Variants in ST8SIA1 observed in about 807,000 individuals in gnomAD.
ST8SIA1 encodes the protein alpha-N-acetylneuraminide alpha-2,8-sialyltransferase.
In ST8SIA1, 16 loss-of-function variants were observed where a neutral mutation model predicts 35.9. The ratio of observed to expected loss-of-function variants is 0.45; its 90% CI spans 0.30 to 0.68. ST8SIA1 has a LOEUF of 0.68. ST8SIA1 is among the 30% of genes least tolerant of loss of function. The pLI is 0.09. For missense variants in ST8SIA1, 383 were observed against 453.6 expected, an observed-to-expected ratio of 0.84 and a Z score of 1.41; for synonymous variants, 170 against 169.6, an observed-to-expected ratio of 1.00 and a Z score of -0.02.
At chr12:22,257,010 C>T (rs537484915) in intron 2 of ST8SIA1, among the ~76,000 whole-genome samples, 3 of 152,300 alleles carry the variant, frequency 2.0e-5, no homozygotes, top group East Asian at 1.9e-4. Flanking sequence ...GCCTACTATG[C>T]GTCAGGCACT....
At chr12:22,228,582 T>A (rs1216075404) in intron 4 of ST8SIA1, among the ~76,000 whole-genome samples, 1 of 152,062 alleles carries the variant, frequency 6.6e-6, no homozygotes, top group Non-Finnish European at 1.5e-5. Context: ...AGAGACAGAG[T>A]CATTGCCATT....
rs552917597 is a variant in ST8SIA1, at chr12:22,244,302, T to C, written c.584+4704A>G. Among the ~76,000 whole-genome samples, 76 of 152,228 alleles carry C rather than the reference T, an allele frequency of 5.0e-4. 1 individual carries two copies. Among genetic ancestry groups the C allele is most frequent in the Middle Eastern group, 3.4e-3 (1 of 294 alleles). ...AGTGTATATCCATGTTACACCAGCC[T>C]GGCCAAGAAAAAGAACACTTCTAGC... On this transcript the variant is annotated intron_variant, in intron 4 of 4. Transcript: ENST00000396037.
At chr12:22,300,296 A>G (rs1318436803) in intron 1 of ST8SIA1, among the ~76,000 whole-genome samples, 4 of 152,176 alleles carry the variant, frequency 2.6e-5, no homozygotes, top group African/African-American at 4.8e-5. Context: ...CCAGAAATTA[A>G]AGCTATTCAA....
chr12:22,312,183 C>T (rs1866458274), intron 1 of ST8SIA1, among the ~76,000 whole-genome samples: 2 of 152,250 alleles, frequency 1.3e-5, no homozygotes, highest in African/African-American at 2.4e-5. Flanking sequence ...TAAAATCTCC[C>T]CTCCTGGCTC....
chr12:22,218,612 AAAAT>A (rs59486221), intron 4 of ST8SIA1, among the ~76,000 whole-genome samples: 1 of 139,274 alleles, frequency 7.2e-6, no homozygotes, highest in African/African-American at 2.7e-5. Context: ...AGCGAGACTC[AAAAT>A]AAATAAATAA....
rs191691999 is a variant in ST8SIA1, at chr12:22,197,496, G to C, written c.*4056C>G. 2.6e-5 allele frequency: 4 copies of C among 152,210 alleles called. No individual in the cohort carries two copies. The East Asian group carries it at 7.7e-4, about 29-fold the overall frequency. The allele number at this position is 152,210 out of a possible 1,614,324, so 9.4% of individuals were successfully genotyped here. ...ACAGAAGTTAAAACTCTGGATGGCTGACTTTCTATTAATAATCAAAAAATG... is the reference window on the plus strand; with the variant it reads ...ACAGAAGTTAAAACTCTGGATGGCTCACTTTCTATTAATAATCAAAAAATG... On this transcript the variant is annotated 3_prime_UTR_variant, in exon 5 of 5. Coordinates refer to ENST00000396037, the MANE Select transcript of ST8SIA1 (RefSeq NM_003034.4).
chr12:22,285,209 TGAG>T (rs1447417433), intron 2 of ST8SIA1, among the ~76,000 whole-genome samples: 13 of 152,220 alleles, frequency 8.5e-5, no homozygotes, highest in African/African-American at 2.2e-4. Flanking sequence ...AGATTTGAAA[TGAG>T]GAGGAGAATT....
At chr12:22,312,465 G>A (rs896017435) in intron 1 of ST8SIA1, among the ~76,000 whole-genome samples, 1 of 152,146 alleles carries the variant, frequency 6.6e-6, no homozygotes, top group Non-Finnish European at 1.5e-5. Flanking sequence ...AAAGAAGCCT[G>A]GCTGCTGAGC....
chr12:22,201,292 C>G lies in ST8SIA1; in HGVS notation c.*260G>C. The stretch of plus-strand genomic sequence containing the variant: ...GCATCTTCTAGATTTGAACCATGTG[C>G]TTTACCAACAGCATTTCACCAGCAT... On this transcript the variant is annotated 3_prime_UTR_variant, in exon 5 of 5. Transcript: ENST00000396037. The G allele has an allele frequency of 2.5e-6, 1 of 392,946 alleles. No individual in the cohort carries two copies. The highest frequency in any genetic ancestry group is 4.5e-6 in the Non-Finnish European group (1 of 222,980). 24.3% of individuals were successfully genotyped at this position (392,946 alleles called of 1,614,324 possible).
At chr12:22,323,274 T>C (rs577546364) in intron 1 of ST8SIA1, among the ~76,000 whole-genome samples, 10 of 152,316 alleles carry the variant, frequency 6.6e-5, no homozygotes, top group African/African-American at 1.9e-4. Flanking sequence ...CTAACAATCA[T>C]AGTATATCTA....
At chr12:22,320,949 GAAAGAAAGAGAAAGAAAGAAAGAA>G (rs1414497062) in intron 1 of ST8SIA1, among the ~76,000 whole-genome samples, 13 of 73,764 alleles carry the variant, frequency 1.8e-4, no homozygotes, top group South Asian at 1.2e-3. Context: ...AAGAAAGAAA[GAAAGAAAGAGAAAGAAAGAAAGAA>G]AGAAAGAAAG....
At chr12:22,320,334 A>G (rs1224216047) in intron 1 of ST8SIA1, among the ~76,000 whole-genome samples, 1 of 152,180 alleles carries the variant, frequency 6.6e-6, no homozygotes, top group Non-Finnish European at 1.5e-5. Context: ...AAATAGGCTA[A>G]GTACCCCATC....
At chr12:22,299,876 T>C (rs1866297363) in intron 1 of ST8SIA1, among the ~76,000 whole-genome samples, 1 of 152,174 alleles carries the variant, frequency 6.6e-6, no homozygotes, top group Non-Finnish European at 1.5e-5. Flanking sequence ...GTTCTGTTTG[T>C]TGTGGCCTGA....
chr12:22,240,874 T>C (rs1231700944), intron 4 of ST8SIA1, among the ~76,000 whole-genome samples: 9 of 152,174 alleles, frequency 5.9e-5, no homozygotes. Flanking sequence ...AGTCCCCTTA[T>C]TGAATTAAAA....
At chr12:22,300,553 T>C (rs931789489) in intron 1 of ST8SIA1, among the ~76,000 whole-genome samples, 2 of 152,190 alleles carry the variant, frequency 1.3e-5, no homozygotes, top group Non-Finnish European at 2.9e-5. Context: ...ATGGTCAAGA[T>C]TACAATTTTA....
At chr12:22,325,471 T>A (rs1392949841) in intron 1 of ST8SIA1, 4 of 701,908 alleles carry the variant, frequency 5.7e-6, no homozygotes, top group African/African-American at 1.7e-5. Context: ...TAGAAGACAG[T>A]TCAACAGAAA....
intron 2 of ST8SIA1, among the ~76,000 whole-genome samples, chr12:22,257,619 C>T (rs539287562): frequency 1.3e-5 from 2 of 151,630 alleles, no homozygotes; most frequent in South Asian, 2.1e-4. Context: ...CAGATCTCTG[C>T]GGGAACCCCT....
intron 4 of ST8SIA1, among the ~76,000 whole-genome samples, chr12:22,220,825 T>C (rs1489341503): frequency 6.6e-6 from 1 of 152,214 alleles, no homozygotes; most frequent in Non-Finnish European, 1.5e-5. Flanking sequence ...ACTGGTGGTG[T>C]CTGCATGGCT....
chr12:22,255,958 T>A (rs941005457), intron 2 of ST8SIA1, among the ~76,000 whole-genome samples: 1 of 152,216 alleles, frequency 6.6e-6, no homozygotes, highest in Non-Finnish European at 1.5e-5. Context: ...AACTCTATTA[T>A]AATGCTGAAG....
Sources: gnomAD v4.1 joint callset for allele counts (sites outside exome capture counted in the v4.1 genomes callset) on GRCh38, gnomAD v4.1.1 for gene constraint, MANE v1.5 for transcripts, NCBI Gene and HGNC (gene_info 2026-07-23, HGNC 2026-07-21) for gene names.